Variants in ZFHX3 observed in about 807,000 individuals in gnomAD.
ZFHX3 encodes zinc finger homeobox 3, also known as zinc finger homeobox protein 3.
Under a neutral mutation model 279.1 loss-of-function variants are expected in ZFHX3, and 42 were observed. The ratio of observed to expected loss-of-function variants is 0.15; its 90% confidence interval spans 0.12 to 0.19. ZFHX3 has a LOEUF of 0.19. Among genes scored for constraint, ZFHX3 ranks in the 10% least tolerant of loss-of-function variants. The pLI is 1.00. For synonymous variants in ZFHX3, 2,293 were observed against 1,957.8 expected, an observed-to-expected ratio of 1.17 and a Z score of -4.52; for missense variants, 4,981 against 4,754.0, an observed-to-expected ratio of 1.05 and a Z score of -1.40.
intron 1 of ZFHX3, among the ~76,000 whole-genome samples, chr16:73,804,474 G>A (rs328388): frequency 0.093 from 14,099 of 152,226 alleles, 1,711 homozygotes; most frequent in African/African-American, 0.29. Flanking sequence ...TAAGCAGTCA[G>A]AAACATTGAT....
At chr16:73,267,970 G>A (rs765312011) in intron 4 of ZFHX3, among the ~76,000 whole-genome samples, 5 of 152,138 alleles carry the variant, frequency 3.3e-5, no homozygotes, top group African/African-American at 4.8e-5. Flanking sequence ...TGGTAAAAAT[G>A]GAAAGTGATA....
intron 1 of ZFHX3, among the ~76,000 whole-genome samples, chr16:73,823,376 A>C (rs1280030246): frequency 6.6e-6 from 1 of 152,184 alleles, no homozygotes; most frequent in African/African-American, 2.4e-5. Context: ...CCCTGGGCCC[A>C]TCCATCCCTC....
Position 73,387,946 on chromosome 16 carries a change from G to A in ZFHX3, c.-1291+68057C>T, listed in dbSNP as rs1046170458. 3.9e-5 allele frequency among the ~76,000 whole-genome samples: 6 copies of A among 151,942 alleles called. No homozygotes were observed. In the South Asian group the frequency reaches 6.3e-4, roughly 16 times the overall value. ...GTTAAAGGGATACCAATTTTTAAAC[G>A]CTCTGCCAAGCTGAAGATGGAGAGA... is the stretch of plus-strand genomic sequence containing the variant. On this transcript the variant is annotated intron_variant, in intron 3 of 17. Transcript: ENST00000641206.
intron 5 of ZFHX3, among the ~76,000 whole-genome samples, chr16:73,237,645 T>A (rs1478855884): frequency 1.3e-5 from 2 of 151,566 alleles, no homozygotes; most frequent in South Asian, 4.2e-4. Flanking sequence ...GTGCTGGGAT[T>A]ACAGGCATGA....
chr16:73,314,180 G>T (rs2015392633), intron 4 of ZFHX3, among the ~76,000 whole-genome samples: 1 of 152,172 alleles, frequency 6.6e-6, no homozygotes, highest in Non-Finnish European at 1.5e-5. Context: ...TGGAAGGCCT[G>T]AATAGAATAG....
At position 73,002,799 on chromosome 16, in the gene ZFHX3, A is replaced by G. The variant is rs180681683; in HGVS notation, c.-49-42605T>C. ...CTCCAAAAAGCCTCCAAACACAGCC[A>G]CAGGCCAGTGCTATTTAAGTGATTC... On this transcript the variant is annotated intron_variant, in intron 1 of 9. Transcript: ENST00000268489. Among the ~76,000 whole-genome samples the G allele has an allele frequency of 7.5e-4, 115 of 152,326 alleles. 1 individual carries two copies. The highest frequency in any genetic ancestry group is 2.7e-3 in the African/African-American group (113 of 41,578).
intron 1 of ZFHX3, among the ~76,000 whole-genome samples, chr16:73,820,040 C>T (rs1231621080): frequency 2.6e-5 from 4 of 152,118 alleles, no homozygotes; most frequent in African/African-American, 9.7e-5. Flanking sequence ...ATCTGGGTGG[C>T]CATGTCTGAC....
chr16:73,435,337 T>C (rs1377838557), intron 3 of ZFHX3, among the ~76,000 whole-genome samples: 1 of 152,124 alleles, frequency 6.6e-6, no homozygotes, highest in East Asian at 1.9e-4. Context: ...GCCTCCTAAG[T>C]AGCTGGGACT....
chr16:73,024,485 T>C (rs1270989884), intron 1 of ZFHX3, among the ~76,000 whole-genome samples: 1 of 152,222 alleles, frequency 6.6e-6, no homozygotes, highest in Non-Finnish European at 1.5e-5. Context: ...CAATTCTTCC[T>C]GTCCCTGATC....
chr16:73,475,992 G>A (rs1271888043), intron 2 of ZFHX3, among the ~76,000 whole-genome samples: 1 of 152,036 alleles, frequency 6.6e-6, no homozygotes, highest in African/African-American at 2.4e-5. Flanking sequence ...TCTTCCCAGA[G>A]GTTAAGGTAT....
intron 5 of ZFHX3, among the ~76,000 whole-genome samples, chr16:73,221,047 C>A (rs2012401843): frequency 6.6e-6 from 1 of 152,106 alleles, no homozygotes; most frequent in Non-Finnish European, 1.5e-5. Context: ...TCTCTAGGGG[C>A]ATTGCGCCAT....
At chr16:73,298,019 T>TA (rs79958273) in intron 4 of ZFHX3, among the ~76,000 whole-genome samples, 39,579 of 150,508 alleles carry the variant, frequency 0.26, 5,381 homozygotes, top group East Asian at 0.36. Flanking sequence ...ACCCTGTCTC[T>TA]AAAAAAAATA....
At chr16:72,982,451 G>A (rs1165877318) in intron 1 of ZFHX3, among the ~76,000 whole-genome samples, 1 of 152,038 alleles carries the variant, frequency 6.6e-6, no homozygotes, top group Non-Finnish European at 1.5e-5. Flanking sequence ...GAAACAAGAA[G>A]AATAAAGACA....
intron 2 of ZFHX3, among the ~76,000 whole-genome samples, chr16:73,511,105 T>A (rs2019420325): frequency 6.6e-6 from 1 of 152,202 alleles, no homozygotes; most frequent in Non-Finnish European, 1.5e-5. Context: ...TGGTCACCTG[T>A]AAGTTGGCTG....
rs753198051 is a variant in ZFHX3, at chr16:73,537,846, G to A, written c.-1546-81588C>T. On this transcript the variant is annotated intron_variant, in intron 2 of 17. Coordinates refer to the ZFHX3 transcript ENST00000641206. ...GGACAAAAGCTGACCATTTAGGGTCGTGGCTTTTTTGAAATCCTATGGACT... is the reference window on the plus strand; with the variant it reads ...GGACAAAAGCTGACCATTTAGGGTCATGGCTTTTTTGAAATCCTATGGACT... Among the ~76,000 whole-genome samples the A allele has an allele frequency of 3.9e-5, 6 of 152,310 alleles. No homozygotes were observed. The East Asian group carries it at 5.8e-4, about 15-fold the overall frequency.
intron 2 of ZFHX3, among the ~76,000 whole-genome samples, chr16:73,594,656 A>G (rs1371482049): frequency 6.6e-6 from 1 of 152,218 alleles, no homozygotes; most frequent in African/African-American, 2.4e-5. Context: ...ACAGAGTGAC[A>G]TTGCAGAATC....
chr16:73,202,367 G>T (rs1035256541), intron 5 of ZFHX3, among the ~76,000 whole-genome samples: 4 of 152,200 alleles, frequency 2.6e-5, no homozygotes, highest in Non-Finnish European at 5.9e-5. Flanking sequence ...CCAATCAAAA[G>T]CCACATGGAA....
chr16:72,951,703 AAG>A (rs746141055), intron 2 of ZFHX3, among the ~76,000 whole-genome samples: 5 of 152,360 alleles, frequency 3.3e-5, no homozygotes, highest in South Asian at 4.1e-4. Flanking sequence ...GTAACATACC[AAG>A]CCTTCATGGG....
chr16:73,064,866 G>A (rs1276968042), intron 8 of ZFHX3, among the ~76,000 whole-genome samples: 1 of 152,208 alleles, frequency 6.6e-6, no homozygotes, highest in Non-Finnish European at 1.5e-5. Flanking sequence ...GTTCCACACC[G>A]CCTGCACCGC....
Sources: gnomAD v4.1 joint callset for allele counts (sites outside exome capture counted in the v4.1 genomes callset) on GRCh38, gnomAD v4.1.1 for gene constraint, MANE v1.5 for transcripts, NCBI Gene and HGNC (gene_info 2026-07-23, HGNC 2026-07-21) for gene names.